POFUT1: variants seen among roughly 807,000 people sequenced by gnomAD.
POFUT1 encodes GDP-fucose protein O-fucosyltransferase 1.
A neutral mutation model predicts 42.4 loss-of-function variants in POFUT1; 16 were observed. That is an observed-to-expected ratio of 0.38 (90% CI 0.26 to 0.57). The LOEUF (loss-of-function observed/expected upper bound fraction) is 0.57. POFUT1 is among the 20% of genes least tolerant of loss of function. The pLI, the probability that POFUT1 is intolerant of heterozygous loss-of-function variation, is 0.71. For missense variants in POFUT1, 470 were observed against 504.6 expected, an observed-to-expected ratio of 0.93 and a Z score of 0.66; for synonymous variants, 206 against 205.4, an observed-to-expected ratio of 1.00 and a Z score of -0.03.
rs190834581 is a variant in POFUT1 at position 32,220,471 on chromosome 20, A to G, written c.542+3750A>G. On this transcript the variant is annotated intron_variant, in intron 4 of 6. Coordinates refer to ENST00000375749, the MANE Select transcript of POFUT1 (RefSeq NM_015352.2). ...AAAGGCTTGACCAAGGCTGCGTGCA[A>G]TGGCTTACACCTGTAATCCCAGCAC... is the stretch of plus-strand genomic sequence containing the variant. 2.5e-3 allele frequency among the ~76,000 whole-genome samples: 380 copies of G among 152,248 alleles called. 3 individuals are homozygous for G. The highest frequency in any genetic ancestry group is 8.8e-3 in the African/African-American group (365 of 41,562).
In POFUT1 at chr20:32,215,324, G is replaced by A. The variant is rs776347303; in HGVS notation, c.302G>A (p.Arg101Gln). The change falls in exon 3 of 7, where the codon CGG (arginine) becomes CAG (glutamine). Residue 101 changes from arginine to glutamine, a missense_variant. By Grantham distance (43) the Arg-to-Gln change is conservative. Transcript: ENST00000375749. ...CTGGAGCCCCTCCAGGCTTACCATC[G>A]GGTCATCAGCTTGGAGGATTTCATG... ...FKLEPLQAYH[R>Q]VISLEDFMEK... 1.5e-5 allele frequency: 25 copies of A among 1,614,046 alleles called. No homozygotes were observed. The highest frequency in any genetic ancestry group is 2.2e-5 in the South Asian group (2 of 91,074).
intron 6 of POFUT1, chr20:32,231,270 G>A (rs2047442389): frequency 1.0e-5 from 6 of 576,194 alleles, no homozygotes; most frequent in South Asian, 4.0e-5. Context: ...TGGAGCTCAC[G>A]TATCCCTGCT....
At chr20:32,209,520 G>A (rs936889151) in intron 1 of POFUT1, among the ~76,000 whole-genome samples, 1 of 152,200 alleles carries the variant, frequency 6.6e-6, no homozygotes, top group African/African-American at 2.4e-5. Flanking sequence ...GAATGAACAG[G>A]TGCCATGCTG....
chr20:32,212,497 T>C (rs568408073), intron 2 of POFUT1, among the ~76,000 whole-genome samples: 1 of 152,132 alleles, frequency 6.6e-6, no homozygotes, highest in South Asian at 2.1e-4. Flanking sequence ...AACTCCTGAG[T>C]CTAAGCAGTC....
At chr20:32,218,302 A>G (rs887776826) in intron 4 of POFUT1, among the ~76,000 whole-genome samples, 1 of 151,924 alleles carries the variant, frequency 6.6e-6, no homozygotes, top group Non-Finnish European at 1.5e-5. Flanking sequence ...ATGCCTGACG[A>G]ATATTTTGTT....
At chr20:32,218,598 C>A (rs183030446) in intron 4 of POFUT1, among the ~76,000 whole-genome samples, 1 of 152,264 alleles carries the variant, frequency 6.6e-6, no homozygotes, top group East Asian at 1.9e-4. Flanking sequence ...CATTGTTGAT[C>A]CCAGATAGCA....
chr20:32,219,786 C>T (rs935086512), intron 4 of POFUT1, among the ~76,000 whole-genome samples: 7 of 152,022 alleles, frequency 4.6e-5, no homozygotes, highest in Non-Finnish European at 7.4e-5. Flanking sequence ...CGTGAGCCAC[C>T]GCGCCCGGCC....
At chr20:32,222,748 T>C in intron 4 of POFUT1, 1 of 985,476 alleles carries the variant, frequency 1.0e-6, no homozygotes. Context: ...AGCCTGTGAA[T>C]AGCCTGGCAC....
chr20:32,227,869 C>T (rs1270787657), intron 4 of POFUT1, among the ~76,000 whole-genome samples: 1 of 152,222 alleles, frequency 6.6e-6, no homozygotes, highest in African/African-American at 2.4e-5. Context: ...CTTCTGTAAG[C>T]AGCTGCATGT....
rs781013684 is a variant in POFUT1, at chr20:32,230,920, G to A, written c.837G>A (p.Thr279=). The change falls in exon 6 of 7, where the codon ACG becomes ACA. Residue 279 remains threonine, a synonymous_variant. Coordinates refer to ENST00000375749, the MANE Select transcript of POFUT1 (RefSeq NM_015352.2). ...GYSRSTAAPL[T]MTMCLPDLKE... ...GCCGCAGCACAGCGGCCCCCCTCAC[G>A]ATGACTATGTGCCTGCCTGACCTGA... The A allele has an allele frequency of 2.0e-5, 33 of 1,614,050 alleles. No homozygotes were observed. Among genetic ancestry groups the A allele is most frequent in the Admixed American group, 1.3e-4 (8 of 59,998 alleles).
Position 32,234,623 on chromosome 20 carries a change from G to A in POFUT1, c.1129G>A (p.Gly377Ser), listed in dbSNP as rs769200449. The A allele has an allele frequency of 1.4e-5, 23 of 1,613,274 alleles. No individual in the cohort carries two copies. The highest frequency in any genetic ancestry group is 5.5e-5 in the South Asian group (5 of 90,992). The change falls in exon 7 of 7, where the codon GGC (glycine) becomes AGC (serine). Residue 377 changes from glycine to serine, a missense_variant. By Grantham distance (56) the Gly-to-Ser change is moderately conservative (BLOSUM62 0). Transcript: ENST00000375749. The part of the protein sequence containing the change: ...DLQGRPSSFF[G>S]MDRPPKLRDE... ...CCAGGGGAGGCCGTCTTCTTTCTTC[G>A]GCATGGACAGGCCCCCTAAGCTGCG...
intron 4 of POFUT1, among the ~76,000 whole-genome samples, chr20:32,226,774 C>G (rs2047416808): frequency 1.3e-5 from 2 of 152,008 alleles, no homozygotes; most frequent in African/African-American, 4.8e-5. Context: ...TGTATTGATA[C>G]TGTGTTCCTT....
rs539109304 is a variant in POFUT1 at position 32,228,382 on chromosome 20, C to T, written c.662C>T (p.Thr221Met). The change falls in exon 5 of 7, where the codon ACG becomes ATG. Residue 221 changes from threonine (T) to methionine (M), a missense_variant. Physicochemically the swap from Thr to Met is moderately conservative, Grantham distance 81. Coordinates refer to ENST00000375749, the MANE Select transcript of POFUT1 (RefSeq NM_015352.2). ...YMVWSDEMVKTGEAQIHAHLV... is the reference protein window; with the variant it reads ...YMVWSDEMVKMGEAQIHAHLV... ...GTATGGTCAGACGAAATGGTGAAGA[C>T]GGGAGAGGCCCAGATTCATGCCCAC... 1.4e-5 allele frequency: 23 copies of T among 1,614,214 alleles called. No individual in the cohort carries two copies. The highest frequency in any genetic ancestry group is 5.0e-5 in the Admixed American group (3 of 60,034).
intron 6 of POFUT1, 32 bp downstream of exon 6, chr20:32,231,093 A>T (rs776072239): frequency 2.5e-6 from 4 of 1,612,650 alleles, no homozygotes; most frequent in Non-Finnish European, 2.5e-6. Flanking sequence ...GTGCAGTAGG[A>T]AGGGAATGAA....
At position 32,235,116 on chromosome 20, in the gene POFUT1, G is replaced by A. The variant is rs2047463167; in HGVS notation, c.*455G>A. ...ACCTAAAGTGACCTTAACTGAATGT[G>A]GATGAGGCTGGGGCTGGTGTGGGTC... On this transcript the variant is annotated 3_prime_UTR_variant, in exon 7 of 7. Coordinates refer to ENST00000375749, the MANE Select transcript of POFUT1 (RefSeq NM_015352.2). 6.5e-6 allele frequency: 1 copy of A among 153,490 alleles called. No homozygotes were observed. The allele number at this position is 153,490 out of a possible 1,614,324, so 9.5% of individuals were successfully genotyped here.
At chr20:32,208,774 G>A (rs1248543969) in intron 1 of POFUT1, among the ~76,000 whole-genome samples, 1 of 152,124 alleles carries the variant, frequency 6.6e-6, no homozygotes, top group East Asian at 1.9e-4. Context: ...ATTCGAGGCT[G>A]CAGTGAGCTC....
intron 4 of POFUT1, chr20:32,217,614 CAA>C: frequency 1.0e-6 from 1 of 985,776 alleles, no homozygotes; most frequent in Non-Finnish European, 1.2e-6. Context: ...CCTGTCTCAG[CAA>C]AACAAAACAA....
intron 4 of POFUT1, chr20:32,217,451 C>T (rs2047368097): frequency 1.0e-6 from 1 of 1,002,440 alleles, no homozygotes; most frequent in South Asian, 4.4e-5. Context: ...TTTAATAGGG[C>T]AAAGGTAAAC....
intron 1 of POFUT1, 70 bp from the exon 2 acceptor site, chr20:32,210,001 T>C: frequency 2.5e-6 from 4 of 1,589,374 alleles, no homozygotes; most frequent in Non-Finnish European, 3.5e-6. Flanking sequence ...TCCACAACCT[T>C]TCTGAGCCCT....
Sources: allele counts gnomAD v4.1 joint callset (sites outside exome capture counted in the v4.1 genomes callset), GRCh38; gene constraint gnomAD v4.1.1; transcripts MANE v1.5; gene names NCBI Gene and HGNC (gene_info 2026-07-23, HGNC 2026-07-21).